NFATC3: variants seen among roughly 807,000 people sequenced by gnomAD.
NFATC3 encodes nuclear factor of activated T-cells, cytoplasmic 3.
Under a neutral mutation model 98.6 loss-of-function variants are expected in NFATC3, and 46 were observed. The ratio of observed to expected loss-of-function variants is 0.47; its 90% CI spans 0.37 to 0.60. NFATC3 has a LOEUF of 0.60. NFATC3 is among the 20% of genes least tolerant of loss of function. The probability of loss-of-function intolerance (pLI) is 0.00; values close to 1 mark genes in which losing one functional copy is unlikely to be tolerated. For synonymous variants in NFATC3, 512 were observed against 472.2 expected, an observed-to-expected ratio of 1.08 and a Z score of -1.09; for missense variants, 1,256 against 1,295.5, an observed-to-expected ratio of 0.97 and a Z score of 0.47.
intron 6 of NFATC3, among the ~76,000 whole-genome samples, chr16:68,177,726 C>T (rs1170138475): frequency 6.6e-6 from 1 of 152,000 alleles, no homozygotes; most frequent in Non-Finnish European, 1.5e-5. Flanking sequence ...TCTACTGGAT[C>T]CTTCTTCTTG....
At chr16:68,194,591 T>C (rs1307652721) in intron 9 of NFATC3, among the ~76,000 whole-genome samples, 1 of 152,258 alleles carries the variant, frequency 6.6e-6, no homozygotes, top group African/African-American at 2.4e-5. Flanking sequence ...TTCACATTGC[T>C]TTTTACCCTG....
At chr16:68,209,826 C>T in intron 9 of NFATC3, 1 of 369,496 alleles carries the variant, frequency 2.7e-6, no homozygotes, top group Non-Finnish European at 5.3e-6. Flanking sequence ...CTGGCTAACC[C>T]CCCTGCCCCC....
chr16:68,108,012 T>A (rs1381668732), intron 1 of NFATC3, among the ~76,000 whole-genome samples: 1 of 152,004 alleles, frequency 6.6e-6, no homozygotes, highest in East Asian at 1.9e-4. Context: ...TTTCTCCCAT[T>A]CTGTAGGCTG....
chr16:68,095,143 A>G (rs1336228530), intron 1 of NFATC3, among the ~76,000 whole-genome samples: 6 of 152,122 alleles, frequency 3.9e-5, no homozygotes, highest in African/African-American at 1.4e-4. Context: ...GGGGTCAACC[A>G]AAAGAATTGT....
intron 9 of NFATC3, chr16:68,191,997 A>G: frequency 2.0e-6 from 1 of 496,764 alleles, no homozygotes; most frequent in Middle Eastern, 5.8e-4. Flanking sequence ...TCACAAGGTC[A>G]GGAGTTCAAG....
chr16:68,093,621 G>A (rs944009142), intron 1 of NFATC3, among the ~76,000 whole-genome samples: 3 of 152,154 alleles, frequency 2.0e-5, no homozygotes, highest in Non-Finnish European at 2.9e-5. Context: ...ATTTAATCCA[G>A]TGTTATTGAG....
At chr16:68,165,615 C>T (rs148282883) in intron 4 of NFATC3, among the ~76,000 whole-genome samples, 1 of 151,970 alleles carries the variant, frequency 6.6e-6, no homozygotes, top group Non-Finnish European at 1.5e-5. Flanking sequence ...AGGCTGGTCT[C>T]GAAATACTGA....
chr16:68,204,532 G>A (rs1455369610), intron 9 of NFATC3, among the ~76,000 whole-genome samples: 1 of 152,174 alleles, frequency 6.6e-6, no homozygotes, highest in African/African-American at 2.4e-5. Context: ...GAGACCTTAA[G>A]CACATCCCAG....
In NFATC3 at chr16:68,126,736, T is replaced by A. The variant is rs1295475474; in HGVS notation, c.1401+126T>A. 3.5e-6 allele frequency: 3 copies of A among 859,494 alleles called. No homozygotes were observed. In the African/African-American group the frequency reaches 5.0e-5, roughly 14 times the overall value. 53.2% of individuals were successfully genotyped at this position (859,494 alleles called of 1,614,324 possible). ...CAAAACTAGAGAGCCTCTGTTGTTT[T>A]GGGGGCTTGTTGATGTGACTACACT... On this transcript the variant is annotated intron_variant, in intron 3 of 9. Coordinates refer to ENST00000346183, the MANE Select transcript of NFATC3 (RefSeq NM_173165.3).
intron 8 of NFATC3, among the ~76,000 whole-genome samples, chr16:68,184,219 CAG>C (rs2040072250): frequency 6.6e-6 from 1 of 151,642 alleles, no homozygotes; most frequent in South Asian, 2.1e-4. Flanking sequence ...AATATACAGA[CAG>C]AACATCAGTG....
At position 68,227,252 on chromosome 16, in the gene NFATC3, ACT is replaced by A. The variant is rs941175804; in HGVS notation, c.*784_*785del. 1.3e-5 allele frequency: 2 copies of A among 152,070 alleles called. No homozygotes were observed. The highest frequency in any genetic ancestry group is 4.8e-5 in the African/African-American group (2 of 41,394). 9.4% of individuals were successfully genotyped at this position (152,070 alleles called of 1,614,324 possible). On this transcript the variant is annotated 3_prime_UTR_variant, in exon 10 of 10. Transcript: ENST00000346183. ...GGGTAAGATGGCTACATTTAAGGTG[ACT>A]CTGAATGGTGGGGTTCTAGCTTGGT...
chr16:68,201,957 C>CAAAAAAA (rs778770193), intron 9 of NFATC3, among the ~76,000 whole-genome samples: 1 of 23,652 alleles, frequency 4.2e-5, no homozygotes, highest in African/African-American at 1.1e-4. Context: ...GACTCCATCT[C>CAAAAAAA]AAAAAAAAAA....
chr16:68,193,637 C>T (rs936346643), intron 9 of NFATC3, among the ~76,000 whole-genome samples: 11 of 152,052 alleles, frequency 7.2e-5, no homozygotes, highest in Non-Finnish European at 1.5e-4. Flanking sequence ...CTATTGCACT[C>T]CAGCCTGGGT....
At position 68,122,400 on chromosome 16, in the gene NFATC3, A is replaced by G. The variant is rs1412024832; in HGVS notation, c.517A>G (p.Arg173Gly). 1.2e-6 allele frequency: 2 copies of G among 1,613,964 alleles called. No individual in the cohort carries two copies. The highest frequency in any genetic ancestry group is 1.6e-4 in the Middle Eastern group (1 of 6,084). ...SPSPASSISS[R>G]SWFSDASSCE... ...TAGTCCTGCCAGCAGCATCTCTTCTAGGAGTTGGTTCTCTGATGCATCTTC... is the reference window on the plus strand; with the variant it reads ...TAGTCCTGCCAGCAGCATCTCTTCTGGGAGTTGGTTCTCTGATGCATCTTC... Residue 173 changes from arginine to glycine, a missense_variant, in exon 2 of 10, where the codon AGG (arginine) becomes GGG (glycine). This residue lies in a region of NFATC3 where 464 missense variants were observed against 465.7 expected (regional missense o/e 1.00). Transcript: ENST00000346183.
rs1423286754 is a variant in NFATC3 at position 68,227,671 on chromosome 16, G to C, written c.*1200G>C. Reference sequence around the variant, plus strand: ...CAGAAGGCTCTGAGCACATCCAGAAGTGATAACCTGACCCTCCACACCAAA... The same window carrying C: ...CAGAAGGCTCTGAGCACATCCAGAACTGATAACCTGACCCTCCACACCAAA... On this transcript the variant is annotated 3_prime_UTR_variant, in exon 10 of 10. Transcript: ENST00000346183. 6.6e-6 allele frequency: 1 copy of C among 152,160 alleles called. No individual in the cohort carries two copies. Among genetic ancestry groups the C allele is most frequent in the African/African-American group, 2.4e-5 (1 of 41,426 alleles). The allele number at this position is 152,160 out of a possible 1,614,324, so 9.4% of individuals were successfully genotyped here. A position where few individuals can be genotyped will look rare whatever the true frequency, so the allele number is the denominator to read the frequency against.
chr16:68,142,520 C>T (rs564761578), intron 3 of NFATC3, among the ~76,000 whole-genome samples: 37 of 152,014 alleles, frequency 2.4e-4, no homozygotes, highest in Admixed American at 5.9e-4. Context: ...CACTGGGAGG[C>T]GAGGTGGGTG....
In NFATC3 at chr16:68,181,582, AT is replaced by A. The variant is rs565902015; in HGVS notation, c.1971+54del. 2,296 of 1,291,054 alleles carry A rather than the reference AT, an allele frequency of 1.8e-3. 3 individuals carry two copies. The highest frequency in any genetic ancestry group is 2.3e-3 in the Non-Finnish European group (2,007 of 891,774). 80.0% of individuals were successfully genotyped at this position (1,291,054 alleles called of 1,614,324 possible). On this transcript the variant is annotated intron_variant, in intron 7 of 9. Transcript: ENST00000346183. ...AAATATTTAAGACACTGAATAGAAA[AT>A]TGAATAATGCTGCTTTATGGTATGG...
chr16:68,219,114 G>C (rs1234436742), intron 9 of NFATC3, among the ~76,000 whole-genome samples: 1 of 151,734 alleles, frequency 6.6e-6, no homozygotes, highest in Non-Finnish European at 1.5e-5. Context: ...GACCAGGCGC[G>C]GTGGCTCACG....
At position 68,085,795 on chromosome 16, in the gene NFATC3, G is replaced by A. The variant is rs2034331869; in HGVS notation, c.103+11G>A. Reference sequence around the variant, plus strand: ...GCTCGCGGCCTGCAGGTGGGTGCCGGGCCAGGCGGGACCGTGGAGCGACCC... The same window carrying A: ...GCTCGCGGCCTGCAGGTGGGTGCCGAGCCAGGCGGGACCGTGGAGCGACCC... On this transcript the variant is annotated intron_variant, in intron 1 of 9. Transcript: ENST00000346183. The A allele has an allele frequency of 2.1e-6, 3 of 1,452,732 alleles. No individual in the cohort carries two copies. Among genetic ancestry groups the A allele is most frequent in the Admixed American group, 2.8e-5 (1 of 35,246 alleles). 90.0% of individuals were successfully genotyped at this position (1,452,732 alleles called of 1,614,324 possible).
Sources: allele counts gnomAD v4.1 joint callset (sites outside exome capture counted in the v4.1 genomes callset), GRCh38; gene constraint gnomAD v4.1.1; regional missense constraint gnomAD v4.1.1; transcripts MANE v1.5; gene names NCBI Gene and HGNC (gene_info 2026-07-23, HGNC 2026-07-21).